MDGA2: variants seen among roughly 807,000 people sequenced by gnomAD.
MDGA2 encodes MAM domain containing glycosylphosphatidylinositol anchor 2, also known as MAM domain-containing glycosylphosphatidylinositol anchor protein 2.
MDGA2 carries 40 observed loss-of-function variants against 117.8 expected under a neutral mutation model. That is an observed-to-expected ratio of 0.34 (90% CI 0.26 to 0.44). The LOEUF is 0.44. MDGA2 is among the 20% of genes least tolerant of loss of function. The probability of loss-of-function intolerance (pLI) is 1.00; values close to 1 mark genes in which losing one functional copy is unlikely to be tolerated. For synonymous variants in MDGA2, 452 were observed against 439.0 expected, an observed-to-expected ratio of 1.03 and a Z score of -0.37; for missense variants, 1,123 against 1,250.6, an observed-to-expected ratio of 0.90 and a Z score of 1.54.
At chr14:47,634,888 T>C (rs1172984411) in intron 1 of MDGA2, among the ~76,000 whole-genome samples, 1 of 152,084 alleles carries the variant, frequency 6.6e-6, no homozygotes, top group African/African-American at 2.4e-5. Flanking sequence ...AAAGAGCACA[T>C]TAGTATGAAA....
In MDGA2 at chr14:47,061,395, G is replaced by A. The variant is rs1889876241; in HGVS notation, c.1379C>T (p.Thr460Ile). Residue 460 changes from threonine (T) to isoleucine (I), a missense_variant, in exon 7 of 17, where the codon ACT becomes ATT. Coordinates refer to ENST00000399232, the MANE Select transcript of MDGA2 (RefSeq NM_001113498.3). ...RSSERMVITQ[T>I]DPDVSPGTTN... ...TGTTCCCGGAGAGACATCAGGATCA[G>A]TCTGTGTAATGACCATCCGCTCAGA... is the stretch of plus-strand genomic sequence containing the variant. 6.2e-7 allele frequency: 1 copy of A among 1,613,640 alleles called. No homozygotes were observed.
rs577812910 is a variant in MDGA2 at position 47,075,580 on chromosome 14, C to T, written c.1196-14002G>A. Among the ~76,000 whole-genome samples the T allele has an allele frequency of 7.9e-5, 12 of 152,220 alleles. No individual in the cohort carries two copies. In the South Asian group the frequency reaches 2.5e-3, roughly 32 times the overall value. ...AGATAAAATTTCCATATTTTAATAACTATACTGTGGTTATACAGGAAATGC... is the reference window on the plus strand; with the variant it reads ...AGATAAAATTTCCATATTTTAATAATTATACTGTGGTTATACAGGAAATGC... On this transcript the variant is annotated intron_variant, in intron 6 of 16. Coordinates refer to ENST00000399232, the MANE Select transcript of MDGA2 (RefSeq NM_001113498.3).
At chr14:47,232,348 G>A (rs551333426) in intron 2 of MDGA2, among the ~76,000 whole-genome samples, 1 of 152,066 alleles carries the variant, frequency 6.6e-6, no homozygotes, top group South Asian at 2.1e-4. Context: ...GATTCTAACA[G>A]AAGAAGCAGT....
chr14:47,631,533 T>A lies in MDGA2; in HGVS notation c.280+42984A>T, dbSNP rs141182583. Among the ~76,000 whole-genome samples the A allele has an allele frequency of 3.1e-3, 469 of 152,310 alleles. 3 individuals carry two copies. The highest frequency in any genetic ancestry group is 0.01 in the Middle Eastern group (3 of 294). ...CCAAATTTCTTCCCCAAATTATCCGTAACGGATGACAATATTTCCTGCCAC... is the reference window on the plus strand; with the variant it reads ...CCAAATTTCTTCCCCAAATTATCCGAAACGGATGACAATATTTCCTGCCAC... On this transcript the variant is annotated intron_variant, in intron 1 of 16. Transcript: ENST00000399232.
At chr14:47,414,107 TATGAAGTCCTAGTGA>T in intron 1 of MDGA2, among the ~76,000 whole-genome samples, 1 of 152,230 alleles carries the variant, frequency 6.6e-6, no homozygotes, top group South Asian at 2.1e-4. Flanking sequence ...TTAAGGGACA[TATGAAGTCCTAGTGA>T]GATACAGTGG....
In MDGA2 at chr14:47,351,442, TTATAAC is replaced by T. The variant is rs1370611174; in HGVS notation, c.281-49898_281-49893del. Among the ~76,000 whole-genome samples, 4 of 152,260 alleles carry T rather than the reference TTATAAC, an allele frequency of 2.6e-5. No homozygotes were observed. The East Asian group carries it at 7.7e-4, about 29-fold the overall frequency. ...TGACAGCTGCCAAAAATATCAATAA[TTATAAC>T]TATATTTTTATCCTTTACCCTTTAG... On this transcript the variant is annotated intron_variant, in intron 1 of 16. Coordinates refer to ENST00000399232, the MANE Select transcript of MDGA2 (RefSeq NM_001113498.3).
intron 3 of MDGA2, among the ~76,000 whole-genome samples, chr14:47,187,263 T>C (rs1041016174): frequency 6.6e-5 from 10 of 152,008 alleles, no homozygotes; most frequent in African/African-American, 2.4e-4. Context: ...ACTTAATATA[T>C]ACAATAAGCA....
At chr14:46,932,280 C>A (rs1248784329) in intron 9 of MDGA2, among the ~76,000 whole-genome samples, 1 of 151,800 alleles carries the variant, frequency 6.6e-6, no homozygotes, top group Non-Finnish European at 1.5e-5. Flanking sequence ...GATCTTTAGA[C>A]TTGTATGAAA....
In MDGA2 at chr14:47,310,592, T is replaced by C. The variant is rs149814487; in HGVS notation, c.281-9042A>G. On this transcript the variant is annotated intron_variant, in intron 1 of 16. Transcript: ENST00000399232. ...TCTTTGGTATGAATGTAACATCACA[T>C]AATGAATATATATATATATGTTCCT... Among the ~76,000 whole-genome samples, 810 of 152,202 alleles carry C rather than the reference T, an allele frequency of 5.3e-3. 4 individuals are homozygous for C. The highest frequency in any genetic ancestry group is 6.8e-3 in the Non-Finnish European group (463 of 68,012).
chr14:47,155,909 T>C (rs1390938350), intron 3 of MDGA2, among the ~76,000 whole-genome samples: 6 of 63,772 alleles, frequency 9.4e-5, no homozygotes, highest in Non-Finnish European at 1.9e-4. Context: ...TTTTTTTTTT[T>C]TTTTTTTTTT....
intron 6 of MDGA2, among the ~76,000 whole-genome samples, chr14:47,085,700 A>C (rs1890871694): frequency 6.6e-6 from 1 of 152,098 alleles, no homozygotes; most frequent in South Asian, 2.1e-4. Flanking sequence ...TAATTACAGG[A>C]ATTACAACAA....
intron 6 of MDGA2, among the ~76,000 whole-genome samples, chr14:47,071,270 T>G (rs1251032641): frequency 6.6e-6 from 1 of 152,152 alleles, no homozygotes; most frequent in Non-Finnish European, 1.5e-5. Context: ...AAAGCTATCT[T>G]CTCCAATGTG....
chr14:46,868,938 T>G (rs750316077), intron 14 of MDGA2, among the ~76,000 whole-genome samples: 1 of 152,006 alleles, frequency 6.6e-6, no homozygotes, highest in Non-Finnish European at 1.5e-5. Flanking sequence ...ACTGAATTCT[T>G]TTTTTTACCG....
chr14:47,198,743 A>T (rs532024699), intron 3 of MDGA2, among the ~76,000 whole-genome samples: 1 of 152,300 alleles, frequency 6.6e-6, no homozygotes, highest in African/African-American at 2.4e-5. Context: ...AAGAGAATTG[A>T]TTAGACATTT....
chr14:47,638,279 G>A (rs935980020), intron 1 of MDGA2, among the ~76,000 whole-genome samples: 38 of 152,174 alleles, frequency 2.5e-4, no homozygotes. Context: ...AGGAGTAACA[G>A]GCAGAGAGAA....
intron 1 of MDGA2, among the ~76,000 whole-genome samples, chr14:47,537,567 T>C (rs1327944123): frequency 6.2e-5 from 6 of 97,400 alleles, no homozygotes; most frequent in African/African-American, 2.2e-4. Context: ...TGTTACCTTC[T>C]CTCTGTTAAA....
intron 1 of MDGA2, among the ~76,000 whole-genome samples, chr14:47,491,910 G>A (rs1894177717): frequency 6.6e-6 from 1 of 152,008 alleles, no homozygotes; most frequent in Non-Finnish European, 1.5e-5. Flanking sequence ...TGTTGGGGTA[G>A]TGTTTTCATA....
At chr14:47,207,643 G>C (rs1295029789) in intron 3 of MDGA2, among the ~76,000 whole-genome samples, 1 of 151,902 alleles carries the variant, frequency 6.6e-6, no homozygotes, top group East Asian at 1.9e-4. Context: ...ACAGCGCTTA[G>C]GGAGGGACAC....
chr14:47,342,932 A>G, intron 1 of MDGA2: 1 of 523,848 alleles, frequency 1.9e-6, no homozygotes, highest in African/African-American at 2.0e-5. Flanking sequence ...TAAATTAGGG[A>G]AAACCATACC....
Sources: gnomAD v4.1 joint callset for allele counts (sites outside exome capture counted in the v4.1 genomes callset) on GRCh38, gnomAD v4.1.1 for gene constraint, MANE v1.5 for transcripts, NCBI Gene and HGNC (gene_info 2026-07-23, HGNC 2026-07-21) for gene names.